The following PLD5 variants were observed in gnomAD, a reference collection of about 807,000 sequenced individuals.
PLD5 encodes inactive phospholipase D5.
A neutral mutation model predicts 61.1 loss-of-function variants in PLD5; 36 were observed. The observed-to-expected ratio is 0.59, with a 90% CI of 0.45 to 0.78. The LOEUF (loss-of-function observed/expected upper bound fraction) is 0.78, where lower values mean the gene tolerates loss of function less well. Ranked by LOEUF, PLD5 falls within the 30% of genes least tolerant of loss-of-function variation. PLD5 has a pLI of 0.00. For missense variants in PLD5, 515 were observed against 644.4 expected (o/e 0.80, Z 2.17); for synonymous variants, 243 against 242.8 (o/e 1.00, Z -0.01).
At chr1:242,357,951 G>A (rs1358824755) in intron 1 of PLD5, among the ~76,000 whole-genome samples, 2 of 151,888 alleles carry the variant, frequency 1.3e-5, no homozygotes, top group South Asian at 2.1e-4. Flanking sequence ...TTGCTCCTTT[G>A]ATTGGGAAAT....
intron 5 of PLD5, among the ~76,000 whole-genome samples, chr1:242,177,465 G>T (rs1667237236): frequency 6.6e-6 from 1 of 152,118 alleles, no homozygotes; most frequent in African/African-American, 2.4e-5. Flanking sequence ...ACCTAATGTA[G>T]GTGACGGGTT....
intron 1 of PLD5, among the ~76,000 whole-genome samples, chr1:242,379,219 C>T (rs1662144769): frequency 6.6e-6 from 1 of 152,170 alleles, no homozygotes; most frequent in South Asian, 2.1e-4. Context: ...AGGCCACCCA[C>T]ATTCAGAGAC....
chr1:242,397,370 G>T (rs1663651786), intron 1 of PLD5, among the ~76,000 whole-genome samples: 1 of 147,530 alleles, frequency 6.8e-6, no homozygotes, highest in Admixed American at 6.8e-5. Flanking sequence ...CATATTTTCT[G>T]GTCAAGTCCT....
intron 3 of PLD5, among the ~76,000 whole-genome samples, chr1:242,287,817 G>A (rs185963821): frequency 1.3e-5 from 2 of 152,236 alleles, no homozygotes; most frequent in Non-Finnish European, 2.9e-5. Context: ...GTAGTTCTCC[G>A]AGCCTTATTT....
intron 1 of PLD5, among the ~76,000 whole-genome samples, chr1:242,404,315 A>C (rs547734428): frequency 2.6e-5 from 4 of 152,316 alleles, no homozygotes; most frequent in Admixed American, 2.0e-4. Context: ...GTAGATGAAG[A>C]AAGATGGGAA....
chr1:242,242,402 C>T (rs1333389765), intron 4 of PLD5, among the ~76,000 whole-genome samples: 1 of 152,192 alleles, frequency 6.6e-6, no homozygotes, highest in Non-Finnish European at 1.5e-5. Flanking sequence ...AATGGCTTCA[C>T]TGTACACATA....
chr1:242,320,875 G>T (rs1389558213), intron 2 of PLD5, among the ~76,000 whole-genome samples: 1 of 151,994 alleles, frequency 6.6e-6, no homozygotes, highest in Non-Finnish European at 1.5e-5. Context: ...CTCTCCAAGT[G>T]ATTCTAACAT....
rs1659487227 is a variant in PLD5, at chr1:242,086,547, A to G, written c.*3307T>C. 6.6e-6 allele frequency: 1 copy of G among 152,112 alleles called. No homozygotes were observed. The highest frequency in any genetic ancestry group is 6.6e-5 in the Admixed American group (1 of 15,258). 9.4% of individuals were successfully genotyped at this position (152,112 alleles called of 1,614,324 possible). ...TGACAATGCAGTGGAGGCCCACAGT[A>G]TTGATCTTTGATGGTGTGTGCAATG... On this transcript the variant is annotated 3_prime_UTR_variant, in exon 10 of 10. Coordinates refer to ENST00000536534, the MANE Select transcript of PLD5 (RefSeq NM_001372062.1).
At chr1:242,375,590 C>T (rs1661903433) in intron 1 of PLD5, among the ~76,000 whole-genome samples, 1 of 152,112 alleles carries the variant, frequency 6.6e-6, no homozygotes, top group African/African-American at 2.4e-5. Flanking sequence ...TCTATATATA[C>T]ACAAAAGAAT....
intron 1 of PLD5, among the ~76,000 whole-genome samples, chr1:242,482,892 G>C (rs1282376331): frequency 6.6e-6 from 1 of 152,164 alleles, no homozygotes; most frequent in East Asian, 1.9e-4. Flanking sequence ...GAAGAGAGTG[G>C]GGGCCAATAT....
rs146221952 is a variant in PLD5, at chr1:242,388,950, T to C, written c.190-40708A>G. ...AGGCTGGTGACAGAATGAGACTCTG[T>C]CTCAAAAAATAAAATAAAACAAAAT... On this transcript the variant is annotated intron_variant, in intron 1 of 9. Transcript: ENST00000536534. Among the ~76,000 whole-genome samples, 6 of 151,284 alleles carry C rather than the reference T, an allele frequency of 4.0e-5. No homozygotes were observed. The East Asian group carries it at 1.2e-3, about 29-fold the overall frequency.
At chr1:242,377,774 A>T (rs1443557130) in intron 1 of PLD5, among the ~76,000 whole-genome samples, 1 of 152,228 alleles carries the variant, frequency 6.6e-6, no homozygotes, top group Non-Finnish European at 1.5e-5. Flanking sequence ...ACATGAAAAG[A>T]TGTTCAACAT....
At chr1:242,377,858 G>T (rs12084799) in intron 1 of PLD5, among the ~76,000 whole-genome samples, 1 of 152,022 alleles carries the variant, frequency 6.6e-6, no homozygotes, top group Non-Finnish European at 1.5e-5. Flanking sequence ...TACAAAAAAC[G>T]GAAAATAACA....
chr1:242,189,735 G>A (rs1210818130), intron 5 of PLD5, among the ~76,000 whole-genome samples: 2 of 152,184 alleles, frequency 1.3e-5, no homozygotes, highest in African/African-American at 4.8e-5. Context: ...GACAAGCTGG[G>A]GAGGTCAGTG....
chr1:242,145,882 G>A (rs746672417), intron 5 of PLD5, among the ~76,000 whole-genome samples: 11 of 152,146 alleles, frequency 7.2e-5, no homozygotes, highest in Non-Finnish European at 1.5e-4. Flanking sequence ...TGCCACATTG[G>A]CCAGGCTGGT....
chr1:242,254,987 G>A (rs3001670), intron 4 of PLD5, among the ~76,000 whole-genome samples: 1 of 152,312 alleles, frequency 6.6e-6, no homozygotes, highest in African/African-American at 2.4e-5. Context: ...AGGCAATCAA[G>A]CATGAGCCTC....
chr1:242,493,853 T>A lies in PLD5; in HGVS notation c.189+30235A>T, dbSNP rs373959246. ...ATAACATGAAGGACTGGAAATAATA[T>A]GCACAACCGCTTTCTTTTTAGTATT... On this transcript the variant is annotated intron_variant, in intron 1 of 9. Coordinates refer to ENST00000536534, the MANE Select transcript of PLD5 (RefSeq NM_001372062.1). 5.2e-3 allele frequency among the ~76,000 whole-genome samples: 796 copies of A among 152,320 alleles called. 5 individuals are homozygous for A. The highest frequency in any genetic ancestry group is 0.018 in the African/African-American group (760 of 41,576).
In PLD5 at chr1:242,337,920, G is replaced by A. The variant is rs1162563449; in HGVS notation, c.326+10186C>T. Among the ~76,000 whole-genome samples, 5 of 152,138 alleles carry A rather than the reference G, an allele frequency of 3.3e-5. No homozygotes were observed. The East Asian group carries it at 5.8e-4, about 18-fold the overall frequency. Reference sequence around the variant, plus strand: ...AAACTGCTTTGGATTTGTCGTTCACGTTGGTTTGCAGAATCTTTTATTGCT... The same window carrying A: ...AAACTGCTTTGGATTTGTCGTTCACATTGGTTTGCAGAATCTTTTATTGCT... On this transcript the variant is annotated intron_variant, in intron 2 of 9. Coordinates refer to ENST00000536534, the MANE Select transcript of PLD5 (RefSeq NM_001372062.1).
intron 3 of PLD5, among the ~76,000 whole-genome samples, chr1:242,277,115 G>A (rs889153126): frequency 6.6e-6 from 1 of 152,110 alleles, no homozygotes; most frequent in Non-Finnish European, 1.5e-5. Flanking sequence ...GCTGCAGAGG[G>A]GACAGACAAC....
Sources: allele counts gnomAD v4.1 joint callset (sites outside exome capture counted in the v4.1 genomes callset), GRCh38; gene constraint gnomAD v4.1.1; transcripts MANE v1.5; gene names NCBI Gene and HGNC (gene_info 2026-07-23, HGNC 2026-07-21).